Variants in GCH1 observed in about 807,000 individuals in gnomAD.
The protein encoded by GCH1 is GTP cyclohydrolase 1.
A neutral mutation model predicts 25.9 loss-of-function variants in GCH1; 5 were observed. The ratio of observed to expected loss-of-function variants is 0.19; its 90% CI spans 0.10 to 0.41. GCH1 has a LOEUF of 0.41. GCH1 is among the 10% of genes least tolerant of loss of function. GCH1 has a pLI of 1.00. For missense variants in GCH1, 261 were observed against 336.5 expected (o/e 0.78, Z 1.75); for synonymous variants, 159 against 129.6 (o/e 1.23, Z -1.54).
rs1239670702 is a variant in GCH1, at chr14:54,843,764, T to C, written c.*253A>G. 1 of 1,613,898 alleles carries C rather than the reference T, an allele frequency of 6.2e-7. No individual in the cohort carries two copies. The highest frequency in any genetic ancestry group is 8.5e-7 in the Non-Finnish European group (1 of 1,179,980). ...GGCCCCTCTGGTTATCTGGCAGTGG[T>C]TTTGTGCACGTACTTACACTATTAG... On this transcript the variant is annotated 3_prime_UTR_variant, in exon 6 of 6. Transcript: ENST00000491895.
chr14:54,858,000 A>G (rs960530203), intron 3 of GCH1, among the ~76,000 whole-genome samples: 2 of 152,244 alleles, frequency 1.3e-5, no homozygotes, highest in South Asian at 2.1e-4. Context: ...GAATGAGGTC[A>G]GAAACTGGGG....
At chr14:54,863,400 C>T (rs140161663) in intron 2 of GCH1, among the ~76,000 whole-genome samples, 2,763 of 112,322 alleles carry the variant, frequency 0.025, 101 homozygotes, top group African/African-American at 0.092. Context: ...CTAGCCTGGG[C>T]GACAGAGCGA....
chr14:54,850,462 G>A (rs1314950342), intron 3 of GCH1, among the ~76,000 whole-genome samples: 4 of 151,324 alleles, frequency 2.6e-5, no homozygotes, highest in African/African-American at 4.9e-5. Context: ...AGCGGCACCC[G>A]CCACCACATC....
In GCH1 at chr14:54,902,585, G is replaced by A; in HGVS notation, c.79C>T (p.Pro27Ser). Residue 27 changes from proline to serine, a missense_variant, in exon 1 of 6, where the codon CCG becomes TCG. Physicochemically the swap from Pro to Ser is moderately conservative, Grantham distance 74. Transcript: ENST00000491895. ...GGCCTGCTGGGCCCGGGCCGCGGCG[G>A]ATCCCGCTCGGGGAACCCATTGCTG... ...RCSNGFPERD[P>S]PRPGPSRPAE... is the part of the protein sequence containing the mutation. The A allele has an allele frequency of 6.7e-7, 1 of 1,495,390 alleles. No homozygotes were observed. Among genetic ancestry groups the A allele is most frequent in the Non-Finnish European group, 8.9e-7 (1 of 1,124,696 alleles). 92.6% of individuals were successfully genotyped at this position (1,495,390 alleles called of 1,614,324 possible).
chr14:54,870,245 T>C (rs57575708), intron 1 of GCH1, among the ~76,000 whole-genome samples: 32,415 of 150,246 alleles, frequency 0.22, 4,844 homozygotes, highest in East Asian at 0.41. Context: ...CATCTGTAAT[T>C]CTAGCACTTT....
intron 1 of GCH1, among the ~76,000 whole-genome samples, chr14:54,881,199 T>A (rs1483504320): frequency 2.0e-5 from 3 of 152,038 alleles, no homozygotes; most frequent in Admixed American, 6.6e-5. Flanking sequence ...ATAAAAAAAT[T>A]TTAAAAAGAA....
At chr14:54,867,253 G>C (rs558059338) in intron 1 of GCH1, among the ~76,000 whole-genome samples, 1 of 152,228 alleles carries the variant, frequency 6.6e-6, no homozygotes, top group East Asian at 1.9e-4. Flanking sequence ...ACAACCATAT[G>C]GCCCATGTTA....
intron 3 of GCH1, among the ~76,000 whole-genome samples, chr14:54,848,167 G>A (rs1055801341): frequency 7.7e-6 from 1 of 130,126 alleles, no homozygotes; most frequent in South Asian, 2.4e-4. Flanking sequence ...ATGGAGTCTT[G>A]TTCTTGCCAT....
At chr14:54,872,176 G>A (rs1023444385) in intron 1 of GCH1, among the ~76,000 whole-genome samples, 27 of 152,190 alleles carry the variant, frequency 1.8e-4, no homozygotes, top group Non-Finnish European at 1.5e-5. Context: ...AGCCAGAAGA[G>A]AGTGGGGGCC....
chr14:54,902,666 A>G lies in GCH1; in HGVS notation c.-3T>C. The G allele has an allele frequency of 1.4e-6, 2 of 1,436,152 alleles. No homozygotes were observed. The highest frequency in any genetic ancestry group is 1.4e-5 in the South Asian group (1 of 70,394). 89.0% of individuals were successfully genotyped at this position (1,436,152 alleles called of 1,614,324 possible). A position where few individuals can be genotyped will look rare whatever the true frequency, so the allele number is the denominator to read the frequency against. On this transcript the variant is annotated 5_prime_UTR_variant, in exon 1 of 6. Coordinates refer to ENST00000491895, the MANE Select transcript of GCH1 (RefSeq NM_000161.3). The stretch of plus-strand genomic sequence containing the variant: ...GCCCGCACAGGGCCCTTCTCCATGG[A>G]CCCGCCGCAGCCGCTGCCGTTCGGG...
chr14:54,890,734 C>T (rs2040412317), intron 1 of GCH1, among the ~76,000 whole-genome samples: 1 of 152,140 alleles, frequency 6.6e-6, no homozygotes, highest in Admixed American at 6.5e-5. Flanking sequence ...TTAGTGTATG[C>T]CTTTTATTGA....
intron 1 of GCH1, among the ~76,000 whole-genome samples, chr14:54,894,674 C>A (rs773569450): frequency 6.6e-5 from 10 of 152,158 alleles, no homozygotes; most frequent in Non-Finnish European, 1.2e-4. Flanking sequence ...TTTTCTCCCC[C>A]TTTCTCAGTA....
intron 1 of GCH1, among the ~76,000 whole-genome samples, chr14:54,900,990 T>C (rs982718095): frequency 2.6e-5 from 4 of 152,078 alleles, no homozygotes; most frequent in African/African-American, 9.7e-5. Context: ...TTCCAAACTT[T>C]TGCAATTGAG....
intron 1 of GCH1, among the ~76,000 whole-genome samples, chr14:54,895,890 C>G (rs1185279815): frequency 6.6e-6 from 1 of 152,138 alleles, no homozygotes; most frequent in Non-Finnish European, 1.5e-5. Context: ...AACCCTGACA[C>G]CACCCTGGTC....
intron 1 of GCH1, among the ~76,000 whole-genome samples, chr14:54,902,049 A>G (rs2040573870): frequency 6.6e-6 from 1 of 152,198 alleles, no homozygotes; most frequent in African/African-American, 2.4e-5. Context: ...GGGGCGTTCT[A>G]GGAGGGCTGC....
intron 1 of GCH1, among the ~76,000 whole-genome samples, chr14:54,870,312 AC>A (rs2040051469): frequency 7.4e-6 from 1 of 134,992 alleles, no homozygotes; most frequent in Admixed American, 8.4e-5. Context: ...AGACTGCCCA[AC>A]CTAGCCAGAC....
intron 2 of GCH1, among the ~76,000 whole-genome samples, chr14:54,862,593 GT>G (rs112283632): frequency 3.4e-4 from 33 of 97,454 alleles, no homozygotes; most frequent in Admixed American, 1.5e-3. Context: ...ATTGGTTTTC[GT>G]TTTTTTTTTT....
In GCH1 at chr14:54,847,549, C is replaced by G. The variant is rs60471759; in HGVS notation, c.510-419G>C. Among the ~76,000 whole-genome samples, 3 of 152,256 alleles carry G rather than the reference C, an allele frequency of 2.0e-5. No individual in the cohort carries two copies. The East Asian group carries it at 5.8e-4, about 29-fold the overall frequency. ...CTGGCTGCTTCCTGCCCTCAAACAT[C>G]GAACTCCAAGTTCTTCAGTTTTGAG... On this transcript the variant is annotated intron_variant, in intron 3 of 5. Transcript: ENST00000491895.
At chr14:54,892,836 T>C (rs779152137) in intron 1 of GCH1, among the ~76,000 whole-genome samples, 2 of 152,284 alleles carry the variant, frequency 1.3e-5, no homozygotes, top group Non-Finnish European at 2.9e-5. Flanking sequence ...CCCAGCACTC[T>C]AGGAGGTTGA....
Sources: allele counts gnomAD v4.1 joint callset (sites outside exome capture counted in the v4.1 genomes callset), GRCh38; gene constraint gnomAD v4.1.1; transcripts MANE v1.5; gene names NCBI Gene and HGNC (gene_info 2026-07-23, HGNC 2026-07-21).